Variants in CYTH4 observed in about 807,000 individuals in gnomAD.
CYTH4 encodes the protein cytohesin-4.
Under a neutral mutation model 57.5 loss-of-function variants are expected in CYTH4, and 22 were observed. That is an observed-to-expected ratio of 0.38 (90% confidence interval 0.27 to 0.55). The LOEUF (loss-of-function observed/expected upper bound fraction) is 0.55. CYTH4 is among the 20% of genes least tolerant of loss of function. CYTH4 has a pLI of 0.74. For missense variants in CYTH4, 420 were observed against 535.6 expected (o/e 0.78, Z 2.13); for synonymous variants, 186 against 206.5 (o/e 0.90, Z 0.85).
chr22:37,294,602 C>T, intron 2 of CYTH4, 58 bp from the exon 3 acceptor site: 4 of 1,599,106 alleles, frequency 2.5e-6, no homozygotes, highest in East Asian at 2.2e-5. Flanking sequence ...GGTCTCAAAC[C>T]CCCGGGGTTC....
chr22:37,294,603 C>A, intron 2 of CYTH4, 57 bp from the exon 3 acceptor site: 4 of 1,601,604 alleles, frequency 2.5e-6, no homozygotes, highest in Non-Finnish European at 2.6e-6. Flanking sequence ...GTCTCAAACC[C>A]CCGGGGTTCT....
At chr22:37,292,839 C>G in intron 2 of CYTH4, 136 bp downstream of exon 2, 1 of 770,896 alleles carries the variant, frequency 1.3e-6, no homozygotes, top group Non-Finnish European at 2.0e-6. Context: ...TCGGCCCCAG[C>G]CCCAGGAGCA....
intron 2 of CYTH4, among the ~76,000 whole-genome samples, chr22:37,294,293 G>T (rs1395196769): frequency 6.6e-6 from 1 of 150,554 alleles, no homozygotes; most frequent in Non-Finnish European, 1.5e-5. Flanking sequence ...CAGTGGGGAG[G>T]CCGGCTTGTC....
chr22:37,307,576 A>C (rs1000765112), intron 8 of CYTH4, among the ~76,000 whole-genome samples: 2 of 152,172 alleles, frequency 1.3e-5, no homozygotes, highest in African/African-American at 4.8e-5. Flanking sequence ...CTGAGCTCTG[A>C]GGTCAGAAAG....
chr22:37,294,900 G>C lies in CYTH4; in HGVS notation c.167+176G>C, dbSNP rs77929414. 9.6e-3 allele frequency among the ~76,000 whole-genome samples: 1,462 copies of C among 152,246 alleles called. 16 individuals carry two copies. The highest frequency in any genetic ancestry group is 0.033 in the African/African-American group (1,378 of 41,534). On this transcript the variant is annotated intron_variant, in intron 3 of 12. Coordinates refer to ENST00000248901, the MANE Select transcript of CYTH4 (RefSeq NM_013385.5). ...ACAGGGTGGCCCCGGCCCCATCCCG[G>C]GTCTGGTCCCTGCTCCCAGGCTGAC... is the stretch of plus-strand genomic sequence containing the variant.
rs771242827 is a variant in CYTH4, at chr22:37,297,600, C to T, written c.271C>T (p.Pro91Ser). Reference protein sequence around the residue: ...QYFIEHKLLTPDVQDIARFLY... With the variant: ...QYFIEHKLLTSDVQDIARFLY... Reference sequence around the variant, plus strand: ...TTTCATTGAGCACAAGCTGCTGACCCCTGACGTCCAGGACATTGCACGGTT... The same window carrying T: ...TTTCATTGAGCACAAGCTGCTGACCTCTGACGTCCAGGACATTGCACGGTT... The change falls in exon 5 of 13, where the codon CCT (proline) becomes TCT (serine). Residue 91 changes from proline to serine, a missense_variant. Pro to Ser is a moderately conservative substitution (Grantham distance 74). Coordinates refer to ENST00000248901, the MANE Select transcript of CYTH4 (RefSeq NM_013385.5). The T allele has an allele frequency of 1.9e-6, 3 of 1,613,922 alleles. No homozygotes were observed. The highest frequency in any genetic ancestry group is 1.7e-6 in the Non-Finnish European group (2 of 1,179,888).
chr22:37,301,701 T>C (rs1929190315), intron 7 of CYTH4, among the ~76,000 whole-genome samples: 1 of 140,618 alleles, frequency 7.1e-6, no homozygotes. Context: ...TTTTTTTTTT[T>C]TTTTTTTTGA....
chr22:37,307,985 C>T (rs1161502864), intron 8 of CYTH4, among the ~76,000 whole-genome samples: 2 of 152,224 alleles, frequency 1.3e-5, no homozygotes, highest in Non-Finnish European at 2.9e-5. Flanking sequence ...TCCCACGTCA[C>T]CAGCTCTGAC....
At chr22:37,287,517 G>A (rs1035234403) in intron 1 of CYTH4, among the ~76,000 whole-genome samples, 3 of 152,306 alleles carry the variant, frequency 2.0e-5, no homozygotes, top group African/African-American at 7.2e-5. Context: ...GCAACCCAAG[G>A]TGATTGGTTT....
chr22:37,307,500 C>T (rs1001462643), intron 8 of CYTH4, among the ~76,000 whole-genome samples: 1 of 152,166 alleles, frequency 6.6e-6, no homozygotes, highest in Non-Finnish European at 1.5e-5. Context: ...CTTCCCCACC[C>T]CCATAGCCCC....
intron 1 of CYTH4, among the ~76,000 whole-genome samples, chr22:37,285,062 C>A (rs1339024442): frequency 6.6e-6 from 1 of 152,176 alleles, no homozygotes; most frequent in African/African-American, 2.4e-5. Context: ...CCTACTGAGA[C>A]TTTGAGGGGC....
At chr22:37,282,954 TG>T (rs1446753478) in intron 1 of CYTH4, among the ~76,000 whole-genome samples, 1 of 152,124 alleles carries the variant, frequency 6.6e-6, no homozygotes, top group African/African-American at 2.4e-5. Context: ...TGCTGTCTGA[TG>T]AGGGACCTGA....
In CYTH4 at chr22:37,300,865, G is replaced by A. The variant is rs75048191; in HGVS notation, c.435-42G>A. 3.3e-3 allele frequency: 5,219 copies of A among 1,564,958 alleles called. 142 individuals carry two copies. In the African/African-American group the frequency reaches 0.061, roughly 18 times the overall value. ...GGGCAGCTTGTCTGGGGCCCGCGAG[G>A]GCCCACCCACTCCACTGCCCGTGGC... On this transcript the variant is annotated intron_variant, in intron 6 of 12. Transcript: ENST00000248901.
chr22:37,309,797 G>A (rs534487631), intron 9 of CYTH4, among the ~76,000 whole-genome samples: 1 of 152,308 alleles, frequency 6.6e-6, no homozygotes, highest in African/African-American at 2.4e-5. Flanking sequence ...TGTCCCTAAA[G>A]GAGGGGAGGA....
At chr22:37,312,675 G>A (rs1413986801) in intron 12 of CYTH4, among the ~76,000 whole-genome samples, 1 of 152,258 alleles carries the variant, frequency 6.6e-6, no homozygotes, top group African/African-American at 2.4e-5. Context: ...CAGCCACCGT[G>A]GTGAAGAGCT....
At chr22:37,299,093 C>T (rs981079951) in intron 5 of CYTH4, 133 bp from the exon 6 acceptor site, 2 of 686,468 alleles carry the variant, frequency 2.9e-6, no homozygotes, top group African/African-American at 1.8e-5. Flanking sequence ...GATGTGAACA[C>T]ACCAGATGGC....
intron 9 of CYTH4, chr22:37,309,967 CCA>C (rs1569112453): frequency 4.3e-6 from 2 of 467,270 alleles, no homozygotes; most frequent in Admixed American, 4.7e-5. Flanking sequence ...CCCCTGCCTC[CCA>C]CACACACTTC....
chr22:37,296,990 A>C (rs1928995596), intron 4 of CYTH4, among the ~76,000 whole-genome samples: 1 of 152,184 alleles, frequency 6.6e-6, no homozygotes, highest in African/African-American at 2.4e-5. Context: ...TGATATTGTC[A>C]AATCCGAAAA....
Position 37,300,941 on chromosome 22 carries a change from G to A in CYTH4, c.469G>A (p.Ala157Thr). The A allele has an allele frequency of 6.2e-7, 1 of 1,614,192 alleles. No homozygotes were observed. The highest frequency in any genetic ancestry group is 8.5e-7 in the Non-Finnish European group (1 of 1,180,032). Residue 157 changes from alanine (A) to threonine (T), a missense_variant, in exon 7 of 13, where the codon GCC (alanine) becomes ACC (threonine). Coordinates refer to ENST00000248901, the MANE Select transcript of CYTH4 (RefSeq NM_013385.5). ...GTGGAGCTTCCGGCTGCCGGGCGAGGCCCAGAAGATAGACCGGATGATGGA... is the reference window on the plus strand; with the variant it reads ...GTGGAGCTTCCGGCTGCCGGGCGAGACCCAGAAGATAGACCGGATGATGGA... ...FLWSFRLPGE[A>T]QKIDRMMEAF...
Sources: gnomAD v4.1 joint callset for allele counts (sites outside exome capture counted in the v4.1 genomes callset) on GRCh38, gnomAD v4.1.1 for gene constraint, MANE v1.5 for transcripts, NCBI Gene and HGNC (gene_info 2026-07-23, HGNC 2026-07-21) for gene names.